Variants in ATP23 observed in about 807,000 individuals in gnomAD.
The protein encoded by ATP23 is ATP23 metallopeptidase and ATP synthase assembly factor homolog.
Under a neutral mutation model 28.5 loss-of-function variants are expected in ATP23, and 24 were observed. The observed-to-expected ratio is 0.84, with a 90% CI of 0.61 to 1.18. The LOEUF (loss-of-function observed/expected upper bound fraction) is 1.18, where lower values mean the gene tolerates loss of function less well. Ranked by LOEUF, ATP23 falls within the 50% of genes most tolerant of loss-of-function variation. The pLI is 0.00. For synonymous variants in ATP23, 99 were observed against 108.6 expected, an observed-to-expected ratio of 0.91 and a Z score of 0.55; for missense variants, 274 against 306.4, an observed-to-expected ratio of 0.89 and a Z score of 0.79.
chr12:57,947,153 G>C (rs542236638), intron 3 of ATP23, 77 bp downstream of exon 3: 4 of 1,364,480 alleles, frequency 2.9e-6, no homozygotes, highest in Admixed American at 3.6e-5. Flanking sequence ...CCACATGCTC[G>C]GCATTCTGTT....
chr12:57,945,474 C>A (rs531935183), intron 1 of ATP23, among the ~76,000 whole-genome samples, 154 bp from the exon 2 acceptor site: 1 of 152,246 alleles, frequency 6.6e-6, no homozygotes, highest in African/African-American at 2.4e-5. Context: ...TCAAATGATC[C>A]ACCCGCCTCA....
At chr12:57,954,548 A>G (rs576622082) in intron 5 of ATP23, among the ~76,000 whole-genome samples, 1 of 152,368 alleles carries the variant, frequency 6.6e-6, no homozygotes, top group Non-Finnish European at 1.5e-5. Context: ...AGGCAAGATT[A>G]TCCTGGTAGA....
At chr12:57,956,618 A>G in intron 5 of ATP23, 69 bp from the exon 6 acceptor site, 1 of 1,162,424 alleles carries the variant, frequency 8.6e-7, no homozygotes, top group Non-Finnish European at 1.2e-6. Flanking sequence ...CAGACATTAG[A>G]TAAAATGTAT....
At chr12:57,950,099 T>C (rs1301214279) in intron 3 of ATP23, among the ~76,000 whole-genome samples, 1 of 152,234 alleles carries the variant, frequency 6.6e-6, no homozygotes. Flanking sequence ...CTTCAGCTAA[T>C]TTCTCTGCAT....
At chr12:57,949,252 T>G (rs2140533378) in intron 3 of ATP23, among the ~76,000 whole-genome samples, 1 of 152,350 alleles carries the variant, frequency 6.6e-6, no homozygotes, top group Admixed American at 6.5e-5. Context: ...CTTTGGTTTC[T>G]AGTATACAGC....
At chr12:57,947,239 A>C (rs914479741) in intron 3 of ATP23, among the ~76,000 whole-genome samples, 163 bp downstream of exon 3, 1 of 152,232 alleles carries the variant, frequency 6.6e-6, no homozygotes, top group Admixed American at 6.5e-5. Context: ...AAATCTCTTA[A>C]GGAGTTTACA....
intron 1 of ATP23, among the ~76,000 whole-genome samples, chr12:57,942,831 C>T (rs566853905): frequency 6.7e-4 from 102 of 152,256 alleles, no homozygotes; most frequent in African/African-American, 2.4e-3. Context: ...TAAACAGGGA[C>T]ACAACTGCCC....
At position 57,941,800 on chromosome 12, in the gene ATP23, C is replaced by G; in HGVS notation, c.99C>G (p.Ala33=). 1 of 1,611,340 alleles carries G rather than the reference C, an allele frequency of 6.2e-7. No individual in the cohort carries two copies. Among genetic ancestry groups the G allele is most frequent in the Non-Finnish European group, 8.5e-7 (1 of 1,178,992 alleles). The part of the protein sequence containing the change: ...VSCQVFPERL[A]QGNPQQGFFS... The stretch of plus-strand genomic sequence containing the variant: ...GCCAGGTCTTCCCCGAGCGTCTGGC[C>G]CAGGGGAATCCCCAGCAAGGGTTCT... Residue 33 remains alanine (A), a synonymous_variant, in exon 1 of 6, where the codon GCC becomes GCG. Coordinates refer to ENST00000300145, the MANE Select transcript of ATP23 (RefSeq NM_033276.4).
Position 57,957,394 on chromosome 12 carries a change from T to G in ATP23, c.*504T>G, listed in dbSNP as rs1956878788. On this transcript the variant is annotated 3_prime_UTR_variant, in exon 6 of 6. Coordinates refer to ENST00000300145, the MANE Select transcript of ATP23 (RefSeq NM_033276.4). ...ATATGTGGGACCCATATGGCCTAAT[T>G]TTCTGGGGACAGTCCTGGTTAGATC... The G allele has an allele frequency of 6.6e-6, 1 of 152,562 alleles. No individual in the cohort carries two copies. Among genetic ancestry groups the G allele is most frequent in the African/African-American group, 2.4e-5 (1 of 41,450 alleles). The allele number at this position is 152,562 out of a possible 1,614,324, so 9.5% of individuals were successfully genotyped here.
chr12:57,946,010 C>T (rs1244604299), intron 2 of ATP23, among the ~76,000 whole-genome samples: 5 of 151,760 alleles, frequency 3.3e-5, no homozygotes, highest in South Asian at 2.1e-4. Flanking sequence ...GGTTTACAGG[C>T]GCACGCCACC....
chr12:57,941,920 A>C, intron 1 of ATP23, 32 bp downstream of exon 1: 1 of 1,608,264 alleles, frequency 6.2e-7, no homozygotes, highest in South Asian at 1.1e-5. Flanking sequence ...CTGTGGTTCC[A>C]CAGAATGGGT....
intron 4 of ATP23, 35 bp from the exon 5 acceptor site, chr12:57,953,571 C>T (rs754563344): frequency 1.9e-5 from 30 of 1,560,562 alleles, no homozygotes; most frequent in Middle Eastern, 1.7e-4. Context: ...AGAGCATGAG[C>T]GTTTATTTCT....
In ATP23 at chr12:57,951,866, A is replaced by G; in HGVS notation, c.424A>G (p.Thr142Ala). Residue 142 changes from threonine to alanine, a missense_variant, in exon 4 of 6, where the codon ACC becomes GCC. Transcript: ENST00000300145. The part of the protein sequence containing the change: ...DHCRAHVDWF[T>A]NIRHLACSEV... ...TTGTCGTGCCCATGTCGACTGGTTC[A>G]CCAACATCAGACATTTGGCGTGCTC... The G allele has an allele frequency of 3.7e-6, 6 of 1,614,178 alleles. No individual in the cohort carries two copies. Among genetic ancestry groups the G allele is most frequent in the African/African-American group, 2.7e-5 (2 of 75,054 alleles).
At chr12:57,942,524 C>T (rs1442611586) in intron 1 of ATP23, among the ~76,000 whole-genome samples, 1 of 151,594 alleles carries the variant, frequency 6.6e-6, no homozygotes, top group African/African-American at 2.4e-5. Flanking sequence ...ACTGGGTTCA[C>T]GCCGTTCTCC....
Position 57,947,031 on chromosome 12 carries a change from C to T in ATP23, c.270C>T (p.Asp90=). ...AAGATAGACACTTTTCTTGCGAAGA[C>T]TGTAATGGAAATGTCAGTGGAGGTT... ...VNKDRHFSCE[D]CNGNVSGGFD... Residue 90 remains aspartate, a synonymous_variant, in exon 3 of 6, where the codon GAC becomes GAT. Transcript: ENST00000300145. 6.2e-7 allele frequency: 1 copy of T among 1,614,058 alleles called. No individual in the cohort carries two copies. The highest frequency in any genetic ancestry group is 8.5e-7 in the Non-Finnish European group (1 of 1,179,992).
chr12:57,941,660 C>T lies in ATP23; in HGVS notation c.-42C>T, dbSNP rs1213486366. 11 of 1,586,134 alleles carry T rather than the reference C, an allele frequency of 6.9e-6. No individual in the cohort carries two copies. The highest frequency in any genetic ancestry group is 2.3e-5 in the East Asian group (1 of 43,838). ...TTACCTTTCCCAGTCTCGCTCTGGC[C>T]GCCTGAGCCAGGAGGAAGCAGCGGC... On this transcript the variant is annotated 5_prime_UTR_variant, in exon 1 of 6. Coordinates refer to ENST00000300145, the MANE Select transcript of ATP23 (RefSeq NM_033276.4).
intron 5 of ATP23, among the ~76,000 whole-genome samples, chr12:57,954,194 C>CAAAAAAAA (rs11357155): frequency 1.4e-5 from 1 of 71,440 alleles, no homozygotes; most frequent in African/African-American, 5.5e-5. Flanking sequence ...GACTCCATCT[C>CAAAAAAAA]AAAAAAAAAA....
In ATP23 at chr12:57,956,993, C is replaced by A; in HGVS notation, c.*103C>A. 3.3e-6 allele frequency: 3 copies of A among 917,108 alleles called. No individual in the cohort carries two copies. The South Asian group carries it at 7.2e-5, about 22-fold the overall frequency. 56.8% of individuals were successfully genotyped at this position (917,108 alleles called of 1,614,324 possible). A position where few individuals can be genotyped will look rare whatever the true frequency, so the allele number is the denominator to read the frequency against. ...ATAAAATGTAAACAATCCCTACAATCCAGATAAAACAGAGAAGACTGTGAT... is the reference window on the plus strand; with the variant it reads ...ATAAAATGTAAACAATCCCTACAATACAGATAAAACAGAGAAGACTGTGAT... On this transcript the variant is annotated 3_prime_UTR_variant, in exon 6 of 6. Transcript: ENST00000300145.
At position 57,942,125 on chromosome 12, in the gene ATP23, TG is replaced by T. The variant is rs1348497478; in HGVS notation, c.187+238del. 8.5e-5 allele frequency among the ~76,000 whole-genome samples: 13 copies of T among 152,344 alleles called. No individual in the cohort carries two copies. In the South Asian group the frequency reaches 1.0e-3, roughly 12 times the overall value. On this transcript the variant is annotated intron_variant, in intron 1 of 5. Transcript: ENST00000300145. The stretch of plus-strand genomic sequence containing the variant: ...TGGAATGAATTTGTCTGCCCTTTTT[TG>T]TCACTCACTGTTGTGACAGATCCTC...
Sources: allele counts gnomAD v4.1 joint callset (sites outside exome capture counted in the v4.1 genomes callset), GRCh38; gene constraint gnomAD v4.1.1; transcripts MANE v1.5; gene names NCBI Gene and HGNC (gene_info 2026-07-23, HGNC 2026-07-21).